TKTL1: variants seen among roughly 807,000 people sequenced by gnomAD.
TKTL1 encodes transketolase-like protein 1.
A neutral mutation model predicts 39.3 loss-of-function variants in TKTL1; 1 was observed. The ratio of observed to expected loss-of-function variants is 0.03; its 90% CI spans 0.01 to 0.12. The LOEUF (loss-of-function observed/expected upper bound fraction) is 0.12. TKTL1 is among the 10% of genes least tolerant of loss of function. TKTL1 has a pLI of 1.00. For missense variants in TKTL1, 575 were observed against 509.6 expected (o/e 1.13, Z -1.24); for synonymous variants, 262 against 193.8 (o/e 1.35, Z -2.92).
chrX:154,323,579 A>G (rs1557171347), intron 9 of TKTL1, among the ~76,000 whole-genome samples: 25 of 112,440 alleles, frequency 2.2e-4, no homozygotes. Flanking sequence ...AGGGTTTAGC[A>G]GAAGAAACAG....
intron 2 of TKTL1, among the ~76,000 whole-genome samples, chrX:154,308,005 A>G (rs782178355): frequency 2.7e-5 from 3 of 111,743 alleles, no homozygotes; most frequent in African/African-American, 9.7e-5. Flanking sequence ...AGATCAGAGA[A>G]TCGTAAATAC....
intron 2 of TKTL1, among the ~76,000 whole-genome samples, chrX:154,306,739 C>T (rs1378049361): frequency 1.8e-5 from 2 of 109,860 alleles, no homozygotes; most frequent in African/African-American, 3.3e-5. Flanking sequence ...TGGCCTCAAG[C>T]GATCTTCCCA....
intron 2 of TKTL1, among the ~76,000 whole-genome samples, chrX:154,305,848 C>CTGAA (rs1359502024): frequency 9.0e-6 from 1 of 111,155 alleles, no homozygotes; most frequent in Non-Finnish European, 1.9e-5. Flanking sequence ...CACATCTGAC[C>CTGAA]TGAAACTGAT....
intron 8 of TKTL1, among the ~76,000 whole-genome samples, chrX:154,322,606 G>A (rs1461564925): frequency 9.0e-6 from 1 of 111,609 alleles, no homozygotes; most frequent in Non-Finnish European, 1.9e-5. Context: ...GCAAGGCAGT[G>A]TGCATGGTGA....
rs782361369 is a variant in TKTL1 at position 154,315,437 on chromosome X, A to C, written c.1029+100A>C. On this transcript the variant is annotated intron_variant, in intron 7 of 12. Transcript: ENST00000369915. ...TTTTTCTTTCCATTTATGAAAGCAA[A>C]AGGACTGGAAAAAAATTTCCTGGGA... 3.6e-5 allele frequency: 34 copies of C among 934,814 alleles called. No individual in the cohort carries two copies. In the African/African-American group the frequency reaches 5.9e-4, roughly 16 times the overall value. 77.0% of individuals were successfully genotyped at this position (934,814 alleles called of 1,213,427 possible).
chrX:154,303,126 C>T (rs781853148), intron 1 of TKTL1, among the ~76,000 whole-genome samples: 16 of 110,652 alleles, frequency 1.4e-4, no homozygotes, highest in Non-Finnish European at 2.5e-4. Flanking sequence ...CAGCCTCCTA[C>T]CTTGCCTTCT....
chrX:154,324,327 C>G (rs1303728306), intron 9 of TKTL1, among the ~76,000 whole-genome samples: 4 of 111,542 alleles, frequency 3.6e-5, no homozygotes, highest in African/African-American at 1.3e-4. Flanking sequence ...TGGGGAGAGA[C>G]AGGGTTTCGC....
intron 7 of TKTL1, among the ~76,000 whole-genome samples, chrX:154,319,282 CATTA>C (rs1474907505): frequency 2.7e-5 from 3 of 112,397 alleles, no homozygotes; most frequent in African/African-American, 6.5e-5. Flanking sequence ...TTGACAGTTT[CATTA>C]ATTAAGTTCT....
Position 154,328,839 on chromosome X carries a change from A to G in TKTL1, c.1619-677A>G, listed in dbSNP as rs182504131. Among the ~76,000 whole-genome samples, 15 of 111,153 alleles carry G rather than the reference A, an allele frequency of 1.3e-4. No individual in the cohort carries two copies. The East Asian group carries it at 4.2e-3, about 31-fold the overall frequency. ...TCACACCTGAGGTTGATGACAGGGA[A>G]AGGGTGCAGGGGGGGATCCACCAGG... On this transcript the variant is annotated intron_variant, in intron 12 of 12. Coordinates refer to ENST00000369915, the MANE Select transcript of TKTL1 (RefSeq NM_012253.4).
intron 1 of TKTL1, among the ~76,000 whole-genome samples, chrX:154,303,662 AC>A (rs1557166515): frequency 9.9e-6 from 1 of 100,588 alleles, no homozygotes; most frequent in African/African-American, 3.7e-5. Flanking sequence ...TGCCAGGGGG[AC>A]TCCTGGGCTG....
chrX:154,327,915 C>A lies in TKTL1; in HGVS notation c.1575C>A (p.Ala525=), dbSNP rs781917600. 8.3e-7 allele frequency: 1 copy of A among 1,210,174 alleles called. No homozygotes were observed. Among genetic ancestry groups the A allele is most frequent in the East Asian group, 3.0e-5 (1 of 33,790 alleles). Residue 525 remains alanine, a synonymous_variant, in exon 12 of 13, where the codon GCC becomes GCA. Coordinates refer to ENST00000369915, the MANE Select transcript of TKTL1 (RefSeq NM_012253.4). ...DVATIVSSAK[A]TEGRIITVED... Reference sequence around the variant, plus strand: ...CCACCATCGTCTCCAGTGCAAAAGCCACAGAGGGCCGGATCATTACAGTGG... The same window carrying A: ...CCACCATCGTCTCCAGTGCAAAAGCAACAGAGGGCCGGATCATTACAGTGG...
intron 7 of TKTL1, chrX:154,320,530 G>A: frequency 2.4e-6 from 1 of 410,481 alleles, no homozygotes; most frequent in Non-Finnish European, 4.2e-6. Flanking sequence ...GCAGGCAAGA[G>A]AGTCTCATCT....
chrX:154,304,408 A>G (rs1296439297), intron 1 of TKTL1, among the ~76,000 whole-genome samples: 1 of 110,720 alleles, frequency 9.0e-6, no homozygotes, highest in African/African-American at 3.3e-5. Flanking sequence ...TTGCACGTGC[A>G]AAAGCCCTCT....
At chrX:154,321,196 CAG>C (rs1227458481) in intron 8 of TKTL1, among the ~76,000 whole-genome samples, 2 of 109,454 alleles carry the variant, frequency 1.8e-5, no homozygotes, top group Non-Finnish European at 3.8e-5. Flanking sequence ...ACAGGACTGG[CAG>C]AGTCATGGAG....
Position 154,307,252 on chromosome X carries a change from G to T in TKTL1, c.252+1831G>T, listed in dbSNP as rs1448770050. ...GAAAAATCTAGACTGTCATATAACA[G>T]CTGCTATCAGAGCCATTGGCCTTAG... On this transcript the variant is annotated intron_variant, in intron 2 of 12. Transcript: ENST00000369915. Among the ~76,000 whole-genome samples, 3 of 111,657 alleles carry T rather than the reference G, an allele frequency of 2.7e-5. No homozygotes were observed. The East Asian group carries it at 8.4e-4, about 31-fold the overall frequency.
intron 1 of TKTL1, chrX:154,304,969 A>C (rs1557166849): frequency 1.0e-6 from 1 of 982,477 alleles, no homozygotes; most frequent in Admixed American, 3.0e-5. Context: ...TTTCTGATTC[A>C]CAATGCTCCT....
chrX:154,319,374 T>TC (rs1181249246), intron 7 of TKTL1, among the ~76,000 whole-genome samples: 1 of 112,259 alleles, frequency 8.9e-6, no homozygotes, highest in East Asian at 2.8e-4. Context: ...TCCAGGATGA[T>TC]CCCCCTGTAA....
chrX:154,307,875 C>T (rs180757008), intron 2 of TKTL1, among the ~76,000 whole-genome samples: 2 of 111,874 alleles, frequency 1.8e-5, no homozygotes, highest in African/African-American at 6.5e-5. Flanking sequence ...TGGGGCAGTT[C>T]TGCTGGGCTG....
chrX:154,302,370 G>A (rs1205239518), intron 1 of TKTL1, among the ~76,000 whole-genome samples: 8 of 111,517 alleles, frequency 7.2e-5, no homozygotes, highest in African/African-American at 2.6e-4. Flanking sequence ...AGACTGGGTG[G>A]CTTAAACAGC....
Sources: allele counts gnomAD v4.1 joint callset (sites outside exome capture counted in the v4.1 genomes callset), GRCh38; gene constraint gnomAD v4.1.1; transcripts MANE v1.5; gene names NCBI Gene and HGNC (gene_info 2026-07-23, HGNC 2026-07-21).